The following NKAIN2 variants were observed in gnomAD, a reference collection of about 807,000 sequenced individuals.
NKAIN2 encodes the protein sodium/potassium transporting ATPase interacting 2.
A neutral mutation model predicts 32.6 loss-of-function variants in NKAIN2; 14 were observed. The observed-to-expected ratio is 0.43, with a 90% CI of 0.28 to 0.67. The LOEUF (loss-of-function observed/expected upper bound fraction) is 0.67, where lower values mean the gene tolerates loss of function less well. NKAIN2 is among the 30% of genes least tolerant of loss of function. NKAIN2 has a pLI of 0.17. For missense variants in NKAIN2, 198 were observed against 258.3 expected (o/e 0.77, Z 1.60); for synonymous variants, 80 against 87.2 (o/e 0.92, Z 0.46).
chr6:123,843,825 T>G (rs1340193721), intron 1 of NKAIN2, among the ~76,000 whole-genome samples: 1 of 152,112 alleles, frequency 6.6e-6, no homozygotes, highest in Admixed American at 6.5e-5. Context: ...AAAGGTTGTC[T>G]TATGATGCAG....
In NKAIN2 at chr6:124,097,413, A is replaced by G. The variant is rs1784691507; in HGVS notation, c.55-185592A>G. Among the ~76,000 whole-genome samples the G allele has an allele frequency of 2.6e-5, 4 of 152,112 alleles. No homozygotes were observed. In the South Asian group the frequency reaches 8.3e-4, roughly 32 times the overall value. ...CAAGACTTCGTCTTAAAAAAAAAAA[A>G]AAAAAAAGTAATTAACTTAGAGGCA... On this transcript the variant is annotated intron_variant, in intron 1 of 6. Coordinates refer to ENST00000368417, the MANE Select transcript of NKAIN2 (RefSeq NM_001040214.3).
chr6:124,265,500 T>G (rs1794453593), intron 1 of NKAIN2, among the ~76,000 whole-genome samples: 1 of 152,294 alleles, frequency 6.6e-6, no homozygotes, highest in East Asian at 1.9e-4. Context: ...ATGGATACAC[T>G]GAAACAAATA....
intron 3 of NKAIN2, among the ~76,000 whole-genome samples, chr6:124,564,274 G>A (rs1780814979): frequency 6.6e-6 from 1 of 151,828 alleles, no homozygotes; most frequent in Admixed American, 6.6e-5. Context: ...AGCACTCTGT[G>A]TCTAGCTAAA....
At chr6:124,303,522 A>C (rs1007180679) in intron 2 of NKAIN2, among the ~76,000 whole-genome samples, 1 of 152,220 alleles carries the variant, frequency 6.6e-6, no homozygotes, top group Admixed American at 6.5e-5. Context: ...AATTTGTGCA[A>C]TAACATTAAG....
intron 2 of NKAIN2, among the ~76,000 whole-genome samples, chr6:124,331,515 C>A (rs541725074): frequency 7.3e-6 from 1 of 136,242 alleles, no homozygotes; most frequent in East Asian, 2.1e-4. Context: ...GGTGACAGAG[C>A]GAGACTCCGT....
chr6:124,424,424 A>G (rs929382418), intron 3 of NKAIN2, among the ~76,000 whole-genome samples: 1 of 150,818 alleles, frequency 6.6e-6, no homozygotes, highest in Non-Finnish European at 1.5e-5. Flanking sequence ...TACACTTAAT[A>G]TCTACCATCT....
intron 1 of NKAIN2, among the ~76,000 whole-genome samples, chr6:124,211,191 A>C (rs946715508): frequency 6.6e-6 from 1 of 151,912 alleles, no homozygotes; most frequent in African/African-American, 2.4e-5. Flanking sequence ...TAAGAATCCC[A>C]AAATCTGCCA....
At chr6:123,910,164 T>C (rs73773012) in intron 1 of NKAIN2, among the ~76,000 whole-genome samples, 2,115 of 152,294 alleles carry the variant, frequency 0.014, 49 homozygotes, top group African/African-American at 0.048. Context: ...TAATTATCTT[T>C]CTGCATCTGC....
intron 4 of NKAIN2, among the ~76,000 whole-genome samples, chr6:124,780,006 A>G (rs1779186333): frequency 6.6e-6 from 1 of 152,252 alleles, no homozygotes; most frequent in Non-Finnish European, 1.5e-5. Flanking sequence ...TTGAAAATAA[A>G]ACAATGAATT....
At chr6:124,356,279 G>T (rs1798971716) in intron 3 of NKAIN2, among the ~76,000 whole-genome samples, 1 of 152,042 alleles carries the variant, frequency 6.6e-6, no homozygotes, top group Middle Eastern at 3.2e-3. Flanking sequence ...TATATATTTT[G>T]GAAGGAGAGA....
chr6:124,406,723 C>G (rs1291906581), intron 3 of NKAIN2, among the ~76,000 whole-genome samples: 1 of 152,028 alleles, frequency 6.6e-6, no homozygotes, highest in Non-Finnish European at 1.5e-5. Flanking sequence ...ATCAGATTTT[C>G]TCTGCATCAT....
intron 2 of NKAIN2, among the ~76,000 whole-genome samples, chr6:124,305,408 A>G (rs532751728): frequency 4.7e-4 from 71 of 152,320 alleles, no homozygotes; most frequent in African/African-American, 1.7e-3. Context: ...GCAGGACTTC[A>G]CGACTTACTG....
chr6:124,654,495 G>A (rs1784469932), intron 3 of NKAIN2, among the ~76,000 whole-genome samples: 1 of 152,024 alleles, frequency 6.6e-6, no homozygotes, highest in Admixed American at 6.6e-5. Flanking sequence ...ACCCTCTGGA[G>A]AAATGAAAAA....
rs184299661 is a variant in NKAIN2, at chr6:124,178,446, C to T, written c.55-104559C>T. Among the ~76,000 whole-genome samples the T allele has an allele frequency of 2.3e-3, 353 of 151,972 alleles. 1 individual carries two copies. The highest frequency in any genetic ancestry group is 7.8e-3 in the African/African-American group (322 of 41,452). Reference sequence around the variant, plus strand: ...CCGAGTAGCTGGGACTACAGGCGCCCGCCACCATGCCCGGCTAATTTTTTG... The same window carrying T: ...CCGAGTAGCTGGGACTACAGGCGCCTGCCACCATGCCCGGCTAATTTTTTG... On this transcript the variant is annotated intron_variant, in intron 1 of 6. Coordinates refer to ENST00000368417, the MANE Select transcript of NKAIN2 (RefSeq NM_001040214.3).
At chr6:124,710,268 G>C (rs1324365561) in intron 4 of NKAIN2, among the ~76,000 whole-genome samples, 1 of 151,582 alleles carries the variant, frequency 6.6e-6, no homozygotes, top group East Asian at 1.9e-4. Flanking sequence ...GTCAATTTTG[G>C]AATAGGTGTG....
intron 3 of NKAIN2, among the ~76,000 whole-genome samples, chr6:124,562,904 C>CTTT (rs34572745): frequency 1.1e-4 from 15 of 131,160 alleles, no homozygotes; most frequent in African/African-American, 3.6e-4. Flanking sequence ...TTTTTTGTTT[C>CTTT]TTTTTTTTTT....
At chr6:124,197,773 T>G (rs1790385001) in intron 1 of NKAIN2, among the ~76,000 whole-genome samples, 1 of 151,990 alleles carries the variant, frequency 6.6e-6, no homozygotes, top group South Asian at 2.1e-4. Flanking sequence ...TACTACCCTT[T>G]AATACCACTG....
At chr6:124,637,885 A>T (rs1783832158) in intron 3 of NKAIN2, among the ~76,000 whole-genome samples, 1 of 152,182 alleles carries the variant, frequency 6.6e-6, no homozygotes, top group Non-Finnish European at 1.5e-5. Context: ...TATCAATGAC[A>T]TTCTTCAAAC....
chr6:124,543,835 G>A (rs1779995139), intron 3 of NKAIN2, among the ~76,000 whole-genome samples: 1 of 152,128 alleles, frequency 6.6e-6, no homozygotes, highest in African/African-American at 2.4e-5. Context: ...TATGAGCTCT[G>A]AGATCACTGG....
Sources: allele counts gnomAD v4.1 joint callset (sites outside exome capture counted in the v4.1 genomes callset), GRCh38; gene constraint gnomAD v4.1.1; transcripts MANE v1.5; gene names NCBI Gene and HGNC (gene_info 2026-07-23, HGNC 2026-07-21).